The following COX15 variants were observed in gnomAD, a reference collection of about 807,000 sequenced individuals.
COX15 encodes heme A synthase COX15.
A neutral mutation model predicts 51.9 loss-of-function variants in COX15; 51 were observed. The ratio of observed to expected loss-of-function variants is 0.98; its 90% confidence interval spans 0.78 to 1.24. The LOEUF (loss-of-function observed/expected upper bound fraction) is 1.24, where lower values mean the gene tolerates loss of function less well. Among genes scored for constraint, COX15 ranks in the 50% most tolerant of loss-of-function variants. COX15 has a pLI of 0.00. For missense variants in COX15, 420 were observed against 501.1 expected, an observed-to-expected ratio of 0.84 and a Z score of 1.55; for synonymous variants, 188 against 190.5, an observed-to-expected ratio of 0.99 and a Z score of 0.11.
chr10:99,720,970 G>T lies in COX15; in HGVS notation c.832+17C>A. On this transcript the variant is annotated intron_variant, in intron 6 of 8. Transcript: ENST00000016171. ...AGTGCAATGCAAACAGGTCATCTTT[G>T]ATGAGCTGAGTCCTACCTGAGAGGG... 1 of 1,609,468 alleles carries T rather than the reference G, an allele frequency of 6.2e-7. No homozygotes were observed.
At chr10:99,730,779 G>A (rs2037112476) in intron 1 of COX15, among the ~76,000 whole-genome samples, 1 of 152,030 alleles carries the variant, frequency 6.6e-6, no homozygotes, top group Non-Finnish European at 1.5e-5. Flanking sequence ...TTAAAAATGG[G>A]GCCAGGTGCA....
intron 6 of COX15, among the ~76,000 whole-genome samples, chr10:99,719,109 A>C (rs1199073170): frequency 1.3e-5 from 2 of 152,240 alleles, no homozygotes; most frequent in African/African-American, 4.8e-5. Flanking sequence ...CAAAACTTAT[A>C]AACTAAATCC....
At chr10:99,702,277 T>C in the COX15 span, among the ~76,000 whole-genome samples, 5 of 152,116 alleles carry the variant, frequency 3.3e-5, no homozygotes, top group African/African-American at 4.8e-5. Flanking sequence ...TCTCTGAAGA[T>C]AGGGACTCTT....
At chr10:99,714,772 G>A in intron 8 of COX15, 54 bp from the exon 9 acceptor site, 1 of 1,607,910 alleles carries the variant, frequency 6.2e-7, no homozygotes, top group South Asian at 1.1e-5. Flanking sequence ...AGTTCACATT[G>A]AAAATGGCCA....
In COX15 at chr10:99,710,991, T is replaced by C; in HGVS notation, c.*3596A>G. On this transcript the variant is annotated 3_prime_UTR_variant, in exon 9 of 9. Transcript: ENST00000016171. ...CTATAGGTATGTGATGACTTGTTTT[T>C]TTGGAAAAAGGTATTTGGAACATCA... The C allele has an allele frequency of 1.0e-6, 1 of 985,306 alleles. No individual in the cohort carries two copies. Among genetic ancestry groups the C allele is most frequent in the South Asian group, 4.7e-5 (1 of 21,286 alleles). The allele number at this position is 985,306 out of a possible 1,614,324, so 61.0% of individuals were successfully genotyped here.
chr10:99,716,757 C>G (rs1193948326), intron 7 of COX15: 3 of 351,314 alleles, frequency 8.5e-6, no homozygotes, highest in Admixed American at 3.8e-5. Flanking sequence ...GTGTCCCCCT[C>G]ATTTTTAATT....
chr10:99,695,047 A>G, the COX15 span, among the ~76,000 whole-genome samples: 5 of 152,250 alleles, frequency 3.3e-5, no homozygotes, highest in Non-Finnish European at 7.3e-5. Flanking sequence ...ATAAATAAAT[A>G]AAGCAAAAGA....
the COX15 span, chr10:99,705,009 A>G: frequency 3.7e-4 from 112 of 299,884 alleles, no homozygotes; most frequent in Admixed American, 7.3e-4. Flanking sequence ...TTGCTAAAGC[A>G]TGAAGTTTGG....
In COX15 at chr10:99,724,035, G is replaced by C; in HGVS notation, c.671C>G (p.Ala224Gly). The change falls in exon 5 of 9, where the codon GCT becomes GGT. Residue 224 changes from alanine (A) to glycine (G), a missense_variant. Physicochemically the swap from Ala to Gly is moderately conservative, Grantham distance 60. Transcript: ENST00000016171. ...DIPRVSQYRL[A>G]AHLGSALVLY... ...AACCAGGGCTGATCCCAGGTGGGCA[G>C]CAAGGCGGTACTGACTGACCCGAGG... 1 of 1,614,148 alleles carries C rather than the reference G, an allele frequency of 6.2e-7. No individual in the cohort carries two copies. Among genetic ancestry groups the C allele is most frequent in the Non-Finnish European group, 8.5e-7 (1 of 1,180,034 alleles).
Position 99,729,625 on chromosome 10 carries a change from C to T in COX15, c.200G>A (p.Arg67Gln), listed in dbSNP as rs377441431. 26 of 1,613,956 alleles carry T rather than the reference C, an allele frequency of 1.6e-5. No homozygotes were observed. The highest frequency in any genetic ancestry group is 5.3e-5 in the African/African-American group (4 of 74,926). The change falls in exon 2 of 9, where the codon CGG (arginine) becomes CAG (glutamine). Residue 67 changes from arginine (R) to glutamine (Q), a missense_variant. Coordinates refer to ENST00000016171, the MANE Select transcript of COX15 (RefSeq NM_078470.6). ...GACCAGGAGCCATCGGCCCACCACC[C>T]GCTCAGCAGCCTTTGAGGGAAGGGA... ...TVSLPSKAAE[R>Q]VVGRWLLVCS...
intron 1 of COX15, among the ~76,000 whole-genome samples, chr10:99,731,313 C>G (rs1293461555): frequency 6.6e-6 from 1 of 152,148 alleles, no homozygotes; most frequent in Admixed American, 6.6e-5. Context: ...AACACTGTTC[C>G]TTTATATAAT....
chr10:99,713,864 G>A lies in COX15; in HGVS notation c.*723C>T. 2.3e-6 allele frequency: 1 copy of A among 443,040 alleles called. No homozygotes were observed. The highest frequency in any genetic ancestry group is 3.3e-6 in the Non-Finnish European group (1 of 304,202). The allele number at this position is 443,040 out of a possible 1,614,324, so 27.4% of individuals were successfully genotyped here. On this transcript the variant is annotated 3_prime_UTR_variant, in exon 9 of 9. Transcript: ENST00000016171. Reference sequence around the variant, plus strand: ...TGTGCCTGTAGTCCCAGCTACTCGGGAGGCTGAGGCATGAGAATCGCTTGA... The same window carrying A: ...TGTGCCTGTAGTCCCAGCTACTCGGAAGGCTGAGGCATGAGAATCGCTTGA...
rs1214787119 is a variant in COX15 at position 99,731,957 on chromosome 10, T to C, written c.90+3A>G. 1 of 1,608,466 alleles carries C rather than the reference T, an allele frequency of 6.2e-7. No homozygotes were observed. The highest frequency in any genetic ancestry group is 8.5e-7 in the Non-Finnish European group (1 of 1,177,802). On this transcript the variant is annotated splice_donor_region_variant and intron_variant, in intron 1 of 8. Coordinates refer to ENST00000016171, the MANE Select transcript of COX15 (RefSeq NM_078470.6). ...CGACTCGGAGTCCGCTGCAGTGCGG[T>C]ACCTGTGCTCTAGGCGCTGCCCTAG...
chr10:99,714,498 A>G lies in COX15; in HGVS notation c.*89T>C, dbSNP rs2036504080. 6.2e-7 allele frequency: 1 copy of G among 1,604,108 alleles called. No homozygotes were observed. On this transcript the variant is annotated 3_prime_UTR_variant, in exon 9 of 9. Transcript: ENST00000016171. ...CATTTGGAAACCACTTGGTATGTCAAGGTCATCTCGTAGAAAAGCCCAAGT... is the reference window on the plus strand; with the variant it reads ...CATTTGGAAACCACTTGGTATGTCAGGGTCATCTCGTAGAAAAGCCCAAGT...
chr10:99,694,336 AAGGTTC>A, the COX15 span, among the ~76,000 whole-genome samples: 1 of 152,166 alleles, frequency 6.6e-6, no homozygotes, highest in Non-Finnish European at 1.5e-5. Flanking sequence ...AAATGTTTTC[AAGGTTC>A]AGCCATCTCG....
At chr10:99,727,241 T>G (rs1335247544) in intron 3 of COX15, 87 bp from the exon 4 acceptor site, 2 of 1,513,282 alleles carry the variant, frequency 1.3e-6, no homozygotes, top group Non-Finnish European at 9.1e-7. Context: ...CCTTTCTTTC[T>G]CAGTCCTGCA....
intron 2 of COX15, among the ~76,000 whole-genome samples, chr10:99,728,536 GA>G (rs1302692563): frequency 6.6e-6 from 1 of 152,174 alleles, no homozygotes; most frequent in Non-Finnish European, 1.5e-5. Context: ...TTTTAGAGTT[GA>G]GCTAATAAAA....
downstream of COX15, chr10:99,709,123 A>G: frequency 2.0e-6 from 2 of 982,974 alleles, no homozygotes; most frequent in Non-Finnish European, 2.4e-6. Flanking sequence ...CTTTACTACA[A>G]CATCCAAGCA....
the COX15 span, chr10:99,695,909 G>A: frequency 2.6e-6 from 4 of 1,565,414 alleles, no homozygotes; most frequent in Non-Finnish European, 3.5e-6. Context: ...CTTTCTAGAA[G>A]GCAACCAAAA....
Sources: gnomAD v4.1 joint callset for allele counts (sites outside exome capture counted in the v4.1 genomes callset) on GRCh38, gnomAD v4.1.1 for gene constraint, MANE v1.5 for transcripts, NCBI Gene and HGNC (gene_info 2026-07-23, HGNC 2026-07-21) for gene names.